ZNF804B: variants seen among roughly 807,000 people sequenced by gnomAD.
ZNF804B encodes the protein zinc finger protein 804B, also known as zinc finger 804B.
In ZNF804B, 80 loss-of-function variants were observed where a neutral mutation model predicts 101.4. That is an observed-to-expected ratio of 0.79 (90% CI 0.66 to 0.95). The LOEUF (loss-of-function observed/expected upper bound fraction) is 0.95, where lower values mean the gene tolerates loss of function less well. Ranked by LOEUF, ZNF804B falls within the 40% of genes least tolerant of loss-of-function variation. ZNF804B has a pLI of 0.00. For synonymous variants in ZNF804B, 622 were observed against 558.8 expected (o/e 1.11, Z -1.59); for missense variants, 1,673 against 1,561.9 (o/e 1.07, Z -1.20).
In ZNF804B at chr7:89,139,815, T is replaced by A. The variant is rs114322942; in HGVS notation, c.109-78340T>A. ...TCAAAGTCATCCATGATGGTTAGAA[T>A]CAACTTATTCTAAACTCCTATTAAT... On this transcript the variant is annotated intron_variant, in intron 1 of 3. Transcript: ENST00000333190. 5.9e-3 allele frequency among the ~76,000 whole-genome samples: 901 copies of A among 152,188 alleles called. 13 individuals are homozygous for A. The highest frequency in any genetic ancestry group is 0.021 in the African/African-American group (859 of 41,548).
intron 1 of ZNF804B, among the ~76,000 whole-genome samples, chr7:88,921,735 A>G (rs1792722439): frequency 6.6e-6 from 1 of 152,098 alleles, no homozygotes; most frequent in African/African-American, 2.4e-5. Flanking sequence ...AATAGGTAGA[A>G]AAATAGATCA....
At chr7:89,311,833 A>G (rs547096776) in intron 2 of ZNF804B, among the ~76,000 whole-genome samples, 2 of 152,334 alleles carry the variant, frequency 1.3e-5, no homozygotes, top group African/African-American at 4.8e-5. Context: ...TGTCTGATAT[A>G]ATATGGGTTA....
At chr7:89,251,804 G>A (rs1212989160) in intron 2 of ZNF804B, among the ~76,000 whole-genome samples, 5 of 152,096 alleles carry the variant, frequency 3.3e-5, no homozygotes, top group Non-Finnish European at 5.9e-5. Context: ...AACAAGCAAT[G>A]GGGAAAGGAC....
At chr7:89,067,560 C>T (rs1256370641) in intron 1 of ZNF804B, among the ~76,000 whole-genome samples, 2 of 152,160 alleles carry the variant, frequency 1.3e-5, no homozygotes, top group Non-Finnish European at 2.9e-5. Context: ...CCCATGCCAA[C>T]ACTCAGTGTT....
At position 89,336,460 on chromosome 7, in the gene ZNF804B, A is replaced by T. The variant is rs1562745279; in HGVS notation, c.3478A>T (p.Ile1160Phe). 3 of 1,614,072 alleles carry T rather than the reference A, an allele frequency of 1.9e-6. No homozygotes were observed. The highest frequency in any genetic ancestry group is 2.5e-6 in the Non-Finnish European group (3 of 1,180,012). The change falls in exon 4 of 4, where the codon ATC (isoleucine) becomes TTC (phenylalanine). Residue 1160 changes from isoleucine to phenylalanine, a missense_variant. Physicochemically the swap from Ile to Phe is conservative, Grantham distance 21 (BLOSUM62 0). Coordinates refer to ENST00000333190, the MANE Select transcript of ZNF804B (RefSeq NM_181646.5). ...TCCTGACGAAATAGATAAATATAAG[A>T]TCCTACAGCTACAAGCCCAGCAGCA... is the stretch of plus-strand genomic sequence containing the variant. ...FSPDEIDKYKILQLQAQQHMQ... is the reference protein window; with the variant it reads ...FSPDEIDKYKFLQLQAQQHMQ...
chr7:88,885,428 A>C (rs1165577642), intron 1 of ZNF804B, among the ~76,000 whole-genome samples: 7 of 151,538 alleles, frequency 4.6e-5, no homozygotes, highest in African/African-American at 1.7e-4. Flanking sequence ...TTGGCTAAAC[A>C]ATACAATATT....
In ZNF804B at chr7:88,937,361, A is replaced by G. The variant is rs969656489; in HGVS notation, c.108+177277A>G. 2.0e-5 allele frequency among the ~76,000 whole-genome samples: 3 copies of G among 152,080 alleles called. No individual in the cohort carries two copies. The East Asian group carries it at 5.8e-4, about 29-fold the overall frequency. ...AATGGACTAGAATTTAGGCCTCTAC[A>G]TCAAATAAAGAGCCTAAGCTTATTC... On this transcript the variant is annotated intron_variant, in intron 1 of 3. Transcript: ENST00000333190.
At chr7:88,978,583 A>G (rs1233756946) in intron 1 of ZNF804B, among the ~76,000 whole-genome samples, 2 of 148,166 alleles carry the variant, frequency 1.3e-5, no homozygotes, top group Non-Finnish European at 3.0e-5. Flanking sequence ...CTTTATTTTC[A>G]GTCTATGTGT....
chr7:89,204,012 T>A (rs1248579990), intron 1 of ZNF804B, among the ~76,000 whole-genome samples: 1 of 152,146 alleles, frequency 6.6e-6, no homozygotes, highest in East Asian at 1.9e-4. Context: ...CAAGGAAAGG[T>A]GAAGCAGTGG....
intron 2 of ZNF804B, among the ~76,000 whole-genome samples, chr7:89,249,413 TC>T (rs1789506460): frequency 6.6e-6 from 1 of 152,014 alleles, no homozygotes; most frequent in Admixed American, 6.5e-5. Context: ...GTTCAAAAAA[TC>T]AAAATCATAC....
At chr7:89,196,542 A>G (rs7456377) in intron 1 of ZNF804B, among the ~76,000 whole-genome samples, 93,967 of 151,738 alleles carry the variant, frequency 0.62, 29,830 homozygotes, top group African/African-American at 0.74. Flanking sequence ...AAATCTAGGC[A>G]ATAACATCTG....
At chr7:88,849,325 G>A (rs10279553) in intron 1 of ZNF804B, among the ~76,000 whole-genome samples, 2,453 of 152,000 alleles carry the variant, frequency 0.016, 49 homozygotes, top group African/African-American at 0.04. Flanking sequence ...GAAGGAAAGG[G>A]TCTTATCTAT....
At chr7:88,776,555 G>GTT (rs10630362) in intron 1 of ZNF804B, among the ~76,000 whole-genome samples, 8,261 of 104,834 alleles carry the variant, frequency 0.079, 540 homozygotes, top group African/African-American at 0.094. Flanking sequence ...TTCTCGTGGT[G>GTT]TTTTGTTTTT....
rs1397492641 is a variant in ZNF804B, at chr7:88,875,663, A to C, written c.108+115579A>C. On this transcript the variant is annotated intron_variant, in intron 1 of 3. Transcript: ENST00000333190. The stretch of plus-strand genomic sequence containing the variant: ...TAACAGGCTCTGAAATTGTGGCAAT[A>C]ATCAATAGCTTACCAACCAAAAAGA... Among the ~76,000 whole-genome samples the C allele has an allele frequency of 6.6e-5, 10 of 152,048 alleles. No homozygotes were observed. The East Asian group carries it at 1.9e-3, about 29-fold the overall frequency.
chr7:89,098,629 C>T (rs1331610270), intron 1 of ZNF804B, among the ~76,000 whole-genome samples: 1 of 151,940 alleles, frequency 6.6e-6, no homozygotes, highest in African/African-American at 2.4e-5. Context: ...AACAAAGAAA[C>T]AAACAAAAAA....
chr7:89,192,426 A>G (rs1294137120), intron 1 of ZNF804B, among the ~76,000 whole-genome samples: 2 of 152,062 alleles, frequency 1.3e-5, no homozygotes. Flanking sequence ...AATGGAAATG[A>G]AGAACTGATA....
chr7:88,921,655 T>C (rs1285101211), intron 1 of ZNF804B, among the ~76,000 whole-genome samples: 7 of 152,070 alleles, frequency 4.6e-5, no homozygotes, highest in Non-Finnish European at 1.0e-4. Context: ...TGAGAATGAT[T>C]ACTAGCATGT....
At chr7:88,919,795 T>C (rs889332590) in intron 1 of ZNF804B, among the ~76,000 whole-genome samples, 1 of 152,128 alleles carries the variant, frequency 6.6e-6, no homozygotes, top group African/African-American at 2.4e-5. Context: ...GCGTAAGTTC[T>C]GAGACAGGCC....
intron 1 of ZNF804B, among the ~76,000 whole-genome samples, chr7:89,043,197 C>A (rs961209675): frequency 6.6e-6 from 1 of 152,104 alleles, no homozygotes; most frequent in Admixed American, 6.5e-5. Flanking sequence ...ATGCCGGTGT[C>A]CTTTGAGGCA....
Sources: gnomAD v4.1 joint callset for allele counts (sites outside exome capture counted in the v4.1 genomes callset) on GRCh38, gnomAD v4.1.1 for gene constraint, MANE v1.5 for transcripts, NCBI Gene and HGNC (gene_info 2026-07-23, HGNC 2026-07-21) for gene names.